Variants in TANC1 observed in about 807,000 individuals in gnomAD.
TANC1 encodes the protein protein TANC1.
Under a neutral mutation model 149.7 loss-of-function variants are expected in TANC1, and 77 were observed. That is an observed-to-expected ratio of 0.51 (90% CI 0.43 to 0.62). The LOEUF is 0.62. Ranked by LOEUF, TANC1 falls within the 20% of genes least tolerant of loss-of-function variation. The pLI, the probability that TANC1 is intolerant of heterozygous loss-of-function variation, is 0.00. For synonymous variants in TANC1, 854 were observed against 925.0 expected, an observed-to-expected ratio of 0.92 and a Z score of 1.39; for missense variants, 1,985 against 2,321.8, an observed-to-expected ratio of 0.85 and a Z score of 2.98.
chr2:159,080,111 C>T (rs2044116436), intron 3 of TANC1, among the ~76,000 whole-genome samples: 1 of 152,182 alleles, frequency 6.6e-6, no homozygotes. Context: ...GCACCCCATG[C>T]CTATACCTCC....
intron 2 of TANC1, among the ~76,000 whole-genome samples, chr2:159,033,869 C>T (rs2039975104): frequency 6.6e-6 from 1 of 152,206 alleles, no homozygotes; most frequent in Non-Finnish European, 1.5e-5. Context: ...TCTTCAGGCA[C>T]TGTGGCTCTT....
intron 21 of TANC1, 23 bp from the exon 22 acceptor site, chr2:159,219,669 C>G (rs1247143813): frequency 1.2e-6 from 2 of 1,613,926 alleles, no homozygotes; most frequent in Non-Finnish European, 8.5e-7. Flanking sequence ...TGTTCATGTT[C>G]TGTGAATGGG....
intron 8 of TANC1, 93 bp from the exon 9 acceptor site, chr2:159,169,157 A>G (rs2054911098): frequency 1.0e-6 from 1 of 966,586 alleles, no homozygotes; most frequent in Non-Finnish European, 1.5e-6. Context: ...GAAAGCCTGA[A>G]CTGAATTGCT....
At chr2:159,050,504 C>T (rs930324589) in intron 2 of TANC1, among the ~76,000 whole-genome samples, 1 of 152,182 alleles carries the variant, frequency 6.6e-6, no homozygotes, top group African/African-American at 2.4e-5. Flanking sequence ...ATCTGGAAAT[C>T]CAAGGCTTAG....
At chr2:159,184,914 T>C (rs2150592356) in intron 14 of TANC1, among the ~76,000 whole-genome samples, 1 of 152,332 alleles carries the variant, frequency 6.6e-6, no homozygotes, top group Middle Eastern at 3.4e-3. Context: ...ACACGGTTTA[T>C]AACCTATTTG....
rs962765610 is a variant in TANC1 at position 159,001,884 on chromosome 2, G to T, written c.-16+695G>T. Among the ~76,000 whole-genome samples the T allele has an allele frequency of 2.6e-5, 4 of 152,130 alleles. No homozygotes were observed. The highest frequency in any genetic ancestry group is 9.7e-5 in the African/African-American group (4 of 41,412). On this transcript the variant is annotated intron_variant, in intron 2 of 26. Coordinates refer to ENST00000263635, the MANE Select transcript of TANC1 (RefSeq NM_033394.3). The surrounding 1 kb of genome is among the most constrained non-coding windows in gnomAD (Gnocchi z 4.3). ...AGAGGCTGTGGGGGAAGGGAGAGGG[G>T]GTTGTTGATGGAGGGAGGACCTGGG...
chr2:159,194,561 A>G, intron 17 of TANC1, 68 bp downstream of exon 17: 2 of 1,344,742 alleles, frequency 1.5e-6, no homozygotes, highest in East Asian at 4.6e-5. Flanking sequence ...TAGAATTGTT[A>G]TTTGCTGGGC....
At chr2:159,096,797 C>T (rs560765678) in intron 3 of TANC1, among the ~76,000 whole-genome samples, 14 of 152,224 alleles carry the variant, frequency 9.2e-5, no homozygotes, top group Admixed American at 2.0e-4. Flanking sequence ...AGGGAACAGA[C>T]GTGAACTACT....
At chr2:159,069,308 G>C (rs1195234415) in intron 3 of TANC1, among the ~76,000 whole-genome samples, 3 of 151,798 alleles carry the variant, frequency 2.0e-5, no homozygotes, top group Admixed American at 1.3e-4. Flanking sequence ...TTGACCTTGA[G>C]TTTGGCCTAA....
intron 19 of TANC1, among the ~76,000 whole-genome samples, chr2:159,206,160 G>C (rs1408283681): frequency 1.3e-5 from 2 of 152,220 alleles, no homozygotes; most frequent in Non-Finnish European, 2.9e-5. Context: ...GACCACCCAG[G>C]ATCCTGAAAG....
intron 2 of TANC1, among the ~76,000 whole-genome samples, chr2:159,039,882 C>T (rs1387886671): frequency 1.3e-5 from 2 of 152,166 alleles, no homozygotes; most frequent in Non-Finnish European, 2.9e-5. Flanking sequence ...TGGTGCAGAG[C>T]TGAGTTCAAG....
At chr2:158,988,542 G>A (rs150025142) in intron 1 of TANC1, among the ~76,000 whole-genome samples, 7 of 152,140 alleles carry the variant, frequency 4.6e-5, no homozygotes, top group East Asian at 1.9e-4. Flanking sequence ...GCTAAATGCC[G>A]TTACTACTTC....
intron 11 of TANC1, 60 bp downstream of exon 11, chr2:159,172,332 G>A: frequency 6.5e-7 from 1 of 1,547,372 alleles, no homozygotes; most frequent in Non-Finnish European, 8.8e-7. Context: ...TTTGGTTTCT[G>A]AGAAGTAGAT....
chr2:159,005,651 AATATAATTTTATG>A (rs1392202566), intron 2 of TANC1, among the ~76,000 whole-genome samples: 1 of 151,842 alleles, frequency 6.6e-6, no homozygotes, highest in African/African-American at 2.4e-5. Flanking sequence ...ATTAAAAATA[AATATAATTTTATG>A]ATATAATTTT....
At chr2:159,058,192 T>C (rs1416942358) in intron 2 of TANC1, among the ~76,000 whole-genome samples, 1 of 152,228 alleles carries the variant, frequency 6.6e-6, no homozygotes, top group Non-Finnish European at 1.5e-5. Flanking sequence ...TTGGCTACTG[T>C]CTTTGCACTT....
At chr2:159,107,596 C>T (rs1559272722) in intron 4 of TANC1, among the ~76,000 whole-genome samples, 1 of 152,196 alleles carries the variant, frequency 6.6e-6, no homozygotes, top group African/African-American at 2.4e-5. Context: ...ACTGAAAAGA[C>T]TGTTCTTTCC....
intron 18 of TANC1, among the ~76,000 whole-genome samples, chr2:159,197,604 AACACACAC>A (rs35552387): frequency 1.9e-4 from 27 of 143,828 alleles, no homozygotes; most frequent in South Asian, 1.5e-3. Context: ...TTAAACATTA[AACACACAC>A]ACACACACAC....
chr2:159,157,716 C>G (rs1195195617), intron 7 of TANC1, among the ~76,000 whole-genome samples: 1 of 152,152 alleles, frequency 6.6e-6, no homozygotes, highest in Non-Finnish European at 1.5e-5. Flanking sequence ...ATGTTCCTTT[C>G]TTGTTTGATC....
intron 5 of TANC1, 67 bp from the exon 6 acceptor site, chr2:159,149,075 A>G: frequency 1.3e-6 from 2 of 1,505,600 alleles, no homozygotes; most frequent in East Asian, 2.3e-5. Context: ...TGTAGTGTGA[A>G]CTCATCCAGA....
Sources: allele counts gnomAD v4.1 joint callset (sites outside exome capture counted in the v4.1 genomes callset), GRCh38; gene constraint gnomAD v4.1.1; non-coding constraint Gnocchi (gnomAD v3.1); transcripts MANE v1.5; gene names NCBI Gene and HGNC (gene_info 2026-07-23, HGNC 2026-07-21).